The following ARK2N variants were observed in gnomAD, a reference collection of about 807,000 sequenced individuals.
ARK2N encodes protein ARK2N.
chr18:46,223,628 T>C, the ARK2N span, among the ~76,000 whole-genome samples: 7 of 152,236 alleles, frequency 4.6e-5, no homozygotes, highest in African/African-American at 7.2e-5. Context: ...CAATAGAGCA[T>C]TTCATAAGAG....
the ARK2N span, among the ~76,000 whole-genome samples, chr18:46,214,029 G>A: frequency 6.6e-6 from 1 of 152,020 alleles, no homozygotes; most frequent in African/African-American, 2.4e-5. Context: ...ATGTTTCAGT[G>A]GCCATGAATG....
At chr18:46,214,343 C>T in the ARK2N span, among the ~76,000 whole-genome samples, 1 of 152,096 alleles carries the variant, frequency 6.6e-6, no homozygotes, top group East Asian at 1.9e-4. Context: ...ATGATAGTTG[C>T]TTTCTGTAAT....
At chr18:46,236,173 T>C in the ARK2N span, among the ~76,000 whole-genome samples, 1 of 152,242 alleles carries the variant, frequency 6.6e-6, no homozygotes, top group Non-Finnish European at 1.5e-5. Context: ...AATTTTATTT[T>C]ATCGTTATTA....
chr18:46,254,085 A>G, the ARK2N span, among the ~76,000 whole-genome samples: 1 of 152,198 alleles, frequency 6.6e-6, no homozygotes. Context: ...CTTTTAAGCA[A>G]ATGTTTAGTT....
chr18:46,215,726 G>T, the ARK2N span: 1 of 642,052 alleles, frequency 1.6e-6, no homozygotes, highest in South Asian at 2.2e-5. Flanking sequence ...AGTAAGTTTT[G>T]CCCCACCCAC....
the ARK2N span, among the ~76,000 whole-genome samples, chr18:46,208,495 A>G: frequency 7.8e-6 from 1 of 127,460 alleles, no homozygotes; most frequent in African/African-American, 3.2e-5. Context: ...TTTTGAGATG[A>G]AGTCTCGCTC....
chr18:46,257,601 T>C, the ARK2N span, among the ~76,000 whole-genome samples: 18 of 151,974 alleles, frequency 1.2e-4, no homozygotes, highest in Non-Finnish European at 8.8e-5. Flanking sequence ...TTTCCCAGCA[T>C]CTCTAGTTCT....
the ARK2N span, among the ~76,000 whole-genome samples, chr18:46,231,506 T>A: frequency 0.011 from 1,733 of 151,046 alleles, 61 homozygotes; most frequent in East Asian, 0.12. Context: ...CATATAAACC[T>A]AGTTATGGTA....
the ARK2N span, among the ~76,000 whole-genome samples, chr18:46,257,268 G>A: frequency 6.6e-6 from 1 of 152,068 alleles, no homozygotes; most frequent in African/African-American, 2.4e-5. Flanking sequence ...TTCCATATTG[G>A]AAGCATTTTG....
At chr18:46,193,370 A>G in the ARK2N span, among the ~76,000 whole-genome samples, 226 of 147,988 alleles carry the variant, frequency 1.5e-3, 3 homozygotes, top group African/African-American at 5.0e-3. Flanking sequence ...GCTCACGGCA[A>G]CCTCCACCTC....
chr18:46,247,071 G>A, the ARK2N span, among the ~76,000 whole-genome samples: 7 of 152,004 alleles, frequency 4.6e-5, no homozygotes, highest in Non-Finnish European at 7.4e-5. Flanking sequence ...TGCACTACCA[G>A]AATTGTTTGG....
chr18:46,259,060 A>G, the ARK2N span, among the ~76,000 whole-genome samples: 2 of 152,224 alleles, frequency 1.3e-5, no homozygotes, highest in Admixed American at 1.3e-4. Flanking sequence ...GTCCTCATCC[A>G]TCTCCTAACT....
chr18:46,188,420 C>T, the ARK2N span, among the ~76,000 whole-genome samples: 37 of 152,170 alleles, frequency 2.4e-4, no homozygotes, highest in Middle Eastern at 3.4e-3. Flanking sequence ...AGGTTGGTTT[C>T]GGAACTCCTG....
At chr18:46,197,043 C>T in the ARK2N span, among the ~76,000 whole-genome samples, 12 of 152,194 alleles carry the variant, frequency 7.9e-5, no homozygotes, top group South Asian at 2.3e-3. Flanking sequence ...TTACTTCTGC[C>T]GTCTTCTATT....
chr18:46,227,743 A>G, the ARK2N span, among the ~76,000 whole-genome samples: 3 of 151,950 alleles, frequency 2.0e-5, no homozygotes, highest in Admixed American at 6.6e-5. Context: ...GATTACAAGC[A>G]TGTGCTACCA....
At chr18:46,256,541 A>G in the ARK2N span, among the ~76,000 whole-genome samples, 2 of 152,232 alleles carry the variant, frequency 1.3e-5, no homozygotes, top group Non-Finnish European at 2.9e-5. Context: ...CACTTGAACA[A>G]AGTGACTTTG....
the ARK2N span, among the ~76,000 whole-genome samples, chr18:46,244,763 G>C: frequency 4.6e-5 from 7 of 151,574 alleles, no homozygotes; most frequent in South Asian, 1.5e-3. Flanking sequence ...CACTGCGCCT[G>C]GCTAATTTTT....
At chr18:46,181,242 CAG>C in the ARK2N span, among the ~76,000 whole-genome samples, 6 of 151,798 alleles carry the variant, frequency 4.0e-5, no homozygotes, top group African/African-American at 7.3e-5. Context: ...CTCTGGGCAA[CAG>C]AGCAAGACTC....
chr18:46,263,141 T>A, the ARK2N span: 2 of 1,567,930 alleles, frequency 1.3e-6, no homozygotes, highest in Non-Finnish European at 8.7e-7. Flanking sequence ...GTGTTTCCTC[T>A]GCACTGTTCC....
Sources: gnomAD v4.1 joint callset for allele counts (sites outside exome capture counted in the v4.1 genomes callset) on GRCh38, gnomAD v4.1.1 for gene constraint, MANE v1.5 for transcripts, NCBI Gene and HGNC (gene_info 2026-07-23, HGNC 2026-07-21) for gene names.